TOMM70: variants seen among roughly 807,000 people sequenced by gnomAD.
TOMM70 encodes the protein translocase of outer mitochondrial membrane 70.
Under a neutral mutation model 73.6 loss-of-function variants are expected in TOMM70, and 13 were observed. The observed-to-expected ratio is 0.18, with a 90% CI of 0.11 to 0.28. The LOEUF is 0.28. Ranked by LOEUF, TOMM70 falls within the 10% of genes least tolerant of loss-of-function variation. The probability of loss-of-function intolerance (pLI) is 1.00; values close to 1 mark genes in which losing one functional copy is unlikely to be tolerated. For missense variants in TOMM70, 609 were observed against 747.5 expected (o/e 0.81, Z 2.16); for synonymous variants, 257 against 271.2 (o/e 0.95, Z 0.51).
intron 1 of TOMM70, among the ~76,000 whole-genome samples, chr3:100,399,150 C>T (rs141462564): frequency 4.0e-4 from 61 of 152,006 alleles, no homozygotes; most frequent in Non-Finnish European, 7.7e-4. Flanking sequence ...GGCATGGTGG[C>T]GCGCGCCTGT....
intron 3 of TOMM70, 51 bp from the exon 4 acceptor site, chr3:100,384,639 G>C: frequency 1.5e-6 from 2 of 1,324,250 alleles, no homozygotes; most frequent in Non-Finnish European, 1.0e-6. Context: ...TGCAAAGATG[G>C]TCAGCAGCAT....
chr3:100,378,192 G>A (rs1022054712), intron 5 of TOMM70, among the ~76,000 whole-genome samples: 2 of 151,748 alleles, frequency 1.3e-5, no homozygotes, highest in Admixed American at 1.3e-4. Context: ...GCAGTGAGCC[G>A]AGATGGTGCC....
At chr3:100,367,672 G>T (rs1285879268) in intron 11 of TOMM70, among the ~76,000 whole-genome samples, 2 of 152,190 alleles carry the variant, frequency 1.3e-5, no homozygotes, top group Non-Finnish European at 2.9e-5. Context: ...ATATAAAACA[G>T]CTGTCACCTT....
rs147687328 is a variant in TOMM70 at position 100,368,568 on chromosome 3, T to C, written c.1551-402A>G. On this transcript the variant is annotated intron_variant, in intron 10 of 11. Coordinates refer to ENST00000284320, the MANE Select transcript of TOMM70 (RefSeq NM_014820.5). ...CTTAACACAGAGCAAGAATAGTACATTAATTTCTTTCTTTTTGTTTTTTTT... is the reference window on the plus strand; with the variant it reads ...CTTAACACAGAGCAAGAATAGTACACTAATTTCTTTCTTTTTGTTTTTTTT... Among the ~76,000 whole-genome samples, 519 of 152,242 alleles carry C rather than the reference T, an allele frequency of 3.4e-3. 2 individuals are homozygous for C. The highest frequency in any genetic ancestry group is 9.3e-3 in the South Asian group (45 of 4,820).
At chr3:100,391,808 A>G (rs1706766509) in intron 1 of TOMM70, among the ~76,000 whole-genome samples, 1 of 152,210 alleles carries the variant, frequency 6.6e-6, no homozygotes, top group Admixed American at 6.5e-5. Context: ...GAAGAAAAGT[A>G]TGTTATAAAT....
At chr3:100,381,261 A>G (rs971334165) in intron 5 of TOMM70, among the ~76,000 whole-genome samples, 1 of 152,098 alleles carries the variant, frequency 6.6e-6, no homozygotes, top group Non-Finnish European at 1.5e-5. Flanking sequence ...CTGCACTAGA[A>G]CATCTGCATG....
At chr3:100,393,334 G>C (rs1445986043) in intron 1 of TOMM70, among the ~76,000 whole-genome samples, 1 of 152,158 alleles carries the variant, frequency 6.6e-6, no homozygotes, top group African/African-American at 2.4e-5. Context: ...CCTAAGTGAA[G>C]TAACTCAGAA....
intron 4 of TOMM70, among the ~76,000 whole-genome samples, chr3:100,384,211 A>G (rs1706666232): frequency 6.6e-6 from 1 of 152,248 alleles, no homozygotes; most frequent in Non-Finnish European, 1.5e-5. Context: ...CAGGTAGCAG[A>G]CTGGATTTGG....
At chr3:100,397,148 A>AGTTTC (rs1706834474) in intron 1 of TOMM70, among the ~76,000 whole-genome samples, 1 of 152,082 alleles carries the variant, frequency 6.6e-6, no homozygotes, top group African/African-American at 2.4e-5. Context: ...CCATCAGTGA[A>AGTTTC]AGCAAATGCT....
chr3:100,386,968 T>C lies in TOMM70; in HGVS notation c.335A>G (p.Asp112Gly). 2.5e-6 allele frequency: 4 copies of C among 1,613,330 alleles called. No homozygotes were observed. The highest frequency in any genetic ancestry group is 3.4e-6 in the Non-Finnish European group (4 of 1,179,822). Residue 112 changes from aspartate (D) to glycine (G), a missense_variant, in exon 2 of 12, where the codon GAT (aspartate) becomes GGT (glycine). Asp to Gly is a moderately conservative substitution (Grantham distance 94). Coordinates refer to ENST00000284320, the MANE Select transcript of TOMM70 (RefSeq NM_014820.5). Reference protein sequence around the residue: ...PGAHLDMNSLDRAQAAKNKGN... With the variant: ...PGAHLDMNSLGRAQAAKNKGN... Reference sequence around the variant, plus strand: ...TTTATTCTTGGCTGCTTGGGCTCTATCAAGAGAGTTCTGAAATGAGAGGAA... The same window carrying C: ...TTTATTCTTGGCTGCTTGGGCTCTACCAAGAGAGTTCTGAAATGAGAGGAA...
Position 100,373,539 on chromosome 3 carries a change from A to G in TOMM70, c.1334T>C (p.Leu445Ser), listed in dbSNP as rs1453578775. 6.2e-7 allele frequency: 1 copy of G among 1,600,636 alleles called. No homozygotes were observed. Residue 445 changes from leucine to serine, a missense_variant and splice_region_variant, in exon 8 of 12, where the codon TTG becomes TCG. By Grantham distance (145) the Leu-to-Ser change is moderately radical (BLOSUM62 -2). This residue lies in a region of TOMM70 where 432 missense variants were observed against 584.1 expected (regional missense o/e 0.74). Transcript: ENST00000284320. ...AATACAAAAGAAAGTAGTACCTACC[A>G]ATGCAAAACATTTCTGTGCTTGTGC... ...ALAQAQKCFA[L>S]YRQAYTGNNS...
rs1277471511 is a variant in TOMM70, at chr3:100,364,559, ATTT to A, written c.*1002_*1004del. On this transcript the variant is annotated 3_prime_UTR_variant, in exon 12 of 12. Transcript: ENST00000284320. ...ACTTTGATTTTAAAAAAGTTCTAAA[ATTT>A]TTTAAAGGATGGGGTCTTGCTATAT... 6.6e-6 allele frequency: 1 copy of A among 151,004 alleles called. No individual in the cohort carries two copies. The allele number at this position is 151,004 out of a possible 1,614,324, so 9.4% of individuals were successfully genotyped here. A position where few individuals can be genotyped will look rare whatever the true frequency, so the allele number is the denominator to read the frequency against.
chr3:100,380,794 T>C (rs9844356), intron 5 of TOMM70, among the ~76,000 whole-genome samples: 1 of 152,160 alleles, frequency 6.6e-6, no homozygotes, highest in Admixed American at 6.5e-5. Context: ...AGTATAATTA[T>C]GCACAGTATC....
At chr3:100,380,759 CAAT>C (rs1706624645) in intron 5 of TOMM70, among the ~76,000 whole-genome samples, 1 of 152,110 alleles carries the variant, frequency 6.6e-6, no homozygotes, top group Non-Finnish European at 1.5e-5. Context: ...GATTGTGTAT[CAAT>C]GAACTAAAAT....
At position 100,387,603 on chromosome 3, in the gene TOMM70, C is replaced by G. The variant is rs1194744711; in HGVS notation, c.325-625G>C. On this transcript the variant is annotated intron_variant, in intron 1 of 11. Transcript: ENST00000284320. ...AAAGACACAGACACAGACACAGACA[C>G]ACACACACACACACACACACACACA... Among the ~76,000 whole-genome samples, 2 of 117,572 alleles carry G rather than the reference C, an allele frequency of 1.7e-5. 1 individual carries two copies. Among genetic ancestry groups the G allele is most frequent in the East Asian group, 5.7e-4 (2 of 3,504 alleles). 77.1% of individuals were successfully genotyped at this position (117,572 alleles called of 152,430 possible).
intron 1 of TOMM70, among the ~76,000 whole-genome samples, chr3:100,389,083 A>G (rs1284184563): frequency 6.6e-6 from 1 of 152,244 alleles, no homozygotes; most frequent in Non-Finnish European, 1.5e-5. Context: ...GAAAAATGAC[A>G]TGCATTTTTA....
In TOMM70 at chr3:100,363,692, G is replaced by A. The variant is rs1214923725; in HGVS notation, c.*1872C>T. The A allele has an allele frequency of 6.6e-6, 1 of 152,598 alleles. No individual in the cohort carries two copies. Among genetic ancestry groups the A allele is most frequent in the Non-Finnish European group, 1.5e-5 (1 of 68,018 alleles). 9.5% of individuals were successfully genotyped at this position (152,598 alleles called of 1,614,324 possible). A position where few individuals can be genotyped will look rare whatever the true frequency, so the allele number is the denominator to read the frequency against. On this transcript the variant is annotated 3_prime_UTR_variant, in exon 12 of 12. Coordinates refer to ENST00000284320, the MANE Select transcript of TOMM70 (RefSeq NM_014820.5). ...AGTAGAAGAAAATGTCAGTGTTAAT[G>A]TAAATACAGCCATGCAAATAAAAAC...
rs530854203 is a variant in TOMM70 at position 100,382,466 on chromosome 3, C to G, written c.736-703G>C. Among the ~76,000 whole-genome samples, 7 of 151,992 alleles carry G rather than the reference C, an allele frequency of 4.6e-5. No homozygotes were observed. The East Asian group carries it at 1.4e-3, about 29-fold the overall frequency. ...CTAAAAAGGAAACCTAAGAGAAAACCCATATTGATCTGTGGGCACTCTCTG... is the reference window on the plus strand; with the variant it reads ...CTAAAAAGGAAACCTAAGAGAAAACGCATATTGATCTGTGGGCACTCTCTG... On this transcript the variant is annotated intron_variant, in intron 4 of 11. Coordinates refer to ENST00000284320, the MANE Select transcript of TOMM70 (RefSeq NM_014820.5).
intron 8 of TOMM70, 49 bp from the exon 9 acceptor site, chr3:100,372,771 T>C (rs1040383243): frequency 1.4e-6 from 2 of 1,447,152 alleles, no homozygotes; most frequent in Middle Eastern, 3.5e-4. Context: ...CAAAAACTCA[T>C]GGAATGTTAA....
Sources: gnomAD v4.1 joint callset for allele counts (sites outside exome capture counted in the v4.1 genomes callset) on GRCh38, gnomAD v4.1.1 for gene constraint, gnomAD v4.1.1 regional missense constraint, MANE v1.5 for transcripts, NCBI Gene and HGNC (gene_info 2026-07-23, HGNC 2026-07-21) for gene names.